CDH13: variants seen among roughly 807,000 people sequenced by gnomAD.
The protein encoded by CDH13 is cadherin 13, also known as cadherin-13.
A neutral mutation model predicts 63.8 loss-of-function variants in CDH13; 24 were observed. The ratio of observed to expected loss-of-function variants is 0.38; its 90% CI spans 0.27 to 0.53. The LOEUF (loss-of-function observed/expected upper bound fraction) is 0.53, where lower values mean the gene tolerates loss of function less well. Ranked by LOEUF, CDH13 falls within the 20% of genes least tolerant of loss-of-function variation. The pLI is 0.85. For synonymous variants in CDH13, 503 were observed against 355.3 expected, an observed-to-expected ratio of 1.42 and a Z score of -4.67; for missense variants, 1,049 against 903.1, an observed-to-expected ratio of 1.16 and a Z score of -2.07.
intron 5 of CDH13, among the ~76,000 whole-genome samples, chr16:83,239,903 G>C (rs1904305996): frequency 6.6e-6 from 1 of 152,100 alleles, no homozygotes; most frequent in African/African-American, 2.4e-5. Context: ...TGATATTGTA[G>C]TCTATACATG....
intron 8 of CDH13, among the ~76,000 whole-genome samples, chr16:83,664,257 G>A (rs1466633416): frequency 6.6e-6 from 1 of 152,100 alleles, no homozygotes; most frequent in Non-Finnish European, 1.5e-5. Context: ...AGTCACTTCA[G>A]GGCCTGACTA....
intron 10 of CDH13, among the ~76,000 whole-genome samples, chr16:83,696,351 C>T (rs1443510779): frequency 6.6e-6 from 1 of 152,136 alleles, no homozygotes; most frequent in Non-Finnish European, 1.5e-5. Flanking sequence ...GTGCAGCGGG[C>T]CCATTTCATC....
intron 10 of CDH13, among the ~76,000 whole-genome samples, chr16:83,715,219 G>A (rs182768483): frequency 2.6e-5 from 4 of 152,242 alleles, no homozygotes; most frequent in Admixed American, 2.0e-4. Context: ...GGCTATTCCC[G>A]TACATAGTGC....
chr16:83,749,598 C>T (rs1353068119), intron 11 of CDH13, among the ~76,000 whole-genome samples: 1 of 152,190 alleles, frequency 6.6e-6, no homozygotes, highest in Non-Finnish European at 1.5e-5. Context: ...CCAGGAGACC[C>T]TGAAACTTCT....
At chr16:83,627,142 G>T (rs950874890) in intron 8 of CDH13, among the ~76,000 whole-genome samples, 5 of 136,242 alleles carry the variant, frequency 3.7e-5, no homozygotes, top group Middle Eastern at 4.0e-3. Flanking sequence ...AAAAAAAAAT[G>T]AGCTGAGTGT....
At chr16:83,291,849 G>C (rs2089474048) in intron 5 of CDH13, among the ~76,000 whole-genome samples, 1 of 152,042 alleles carries the variant, frequency 6.6e-6, no homozygotes, top group Non-Finnish European at 1.5e-5. Context: ...CTTACATATT[G>C]AAAAAGTGTG....
chr16:82,824,258 G>T (rs1261767179), intron 1 of CDH13: 1 of 151,906 alleles, frequency 6.6e-6, no homozygotes, highest in Non-Finnish European at 1.5e-5. Flanking sequence ...ATTATTTATA[G>T]GTTACCTTAC....
chr16:83,264,641 A>C (rs1348250878), intron 5 of CDH13, among the ~76,000 whole-genome samples: 1 of 151,922 alleles, frequency 6.6e-6, no homozygotes, highest in African/African-American at 2.4e-5. Context: ...TGATTGAAGA[A>C]ATATATGTAA....
At chr16:82,698,684 G>T (rs2030628137) in intron 1 of CDH13, among the ~76,000 whole-genome samples, 1 of 152,216 alleles carries the variant, frequency 6.6e-6, no homozygotes, top group Admixed American at 6.5e-5. Flanking sequence ...CCATGGCTGA[G>T]CCCATTGTCA....
In CDH13 at chr16:83,795,458, G is replaced by T. The variant is rs560831391; in HGVS notation, c.*428G>T. 4 of 163,104 alleles carry T rather than the reference G, an allele frequency of 2.5e-5. No homozygotes were observed. The East Asian group carries it at 6.9e-4, about 28-fold the overall frequency. 10.1% of individuals were successfully genotyped at this position (163,104 alleles called of 1,614,324 possible). A position where few individuals can be genotyped will look rare whatever the true frequency, so the allele number is the denominator to read the frequency against. On this transcript the variant is annotated 3_prime_UTR_variant, in exon 14 of 14. Coordinates refer to ENST00000567109, the MANE Select transcript of CDH13 (RefSeq NM_001257.5). ...GACTATCCTGGAGAAGCCTCGTTTT[G>T]ATGCCATTCTTCCTTGCAAGGTTAA... is the stretch of plus-strand genomic sequence containing the variant.
intron 2 of CDH13, among the ~76,000 whole-genome samples, chr16:82,887,888 C>T (rs564710653): frequency 1.3e-5 from 2 of 152,084 alleles, no homozygotes; most frequent in East Asian, 3.9e-4. Flanking sequence ...CCCAGCCTCC[C>T]TAGCAACCCA....
chr16:83,644,667 G>T (rs1275976344), intron 8 of CDH13, among the ~76,000 whole-genome samples: 1 of 152,212 alleles, frequency 6.6e-6, no homozygotes, highest in Non-Finnish European at 1.5e-5. Flanking sequence ...CAGAGGATGA[G>T]GTTCATGGTC....
chr16:82,847,424 G>A (rs184876729), intron 1 of CDH13, among the ~76,000 whole-genome samples: 2 of 152,050 alleles, frequency 1.3e-5, no homozygotes, highest in African/African-American at 4.8e-5. Flanking sequence ...TTGACTCCTG[G>A]CCCCTTCCTC....
intron 2 of CDH13, among the ~76,000 whole-genome samples, chr16:82,962,862 T>C (rs893356059): frequency 3.3e-5 from 5 of 152,200 alleles, no homozygotes; most frequent in African/African-American, 1.2e-4. Context: ...TTTCATTTAC[T>C]AATGGTCACT....
At chr16:83,052,382 C>T (rs1474983266) in intron 3 of CDH13, among the ~76,000 whole-genome samples, 1 of 152,144 alleles carries the variant, frequency 6.6e-6, no homozygotes, top group African/African-American at 2.4e-5. Context: ...CCCTGAATTC[C>T]ACCATACATG....
chr16:83,559,221 G>A (rs952911312), intron 7 of CDH13, among the ~76,000 whole-genome samples: 2 of 152,184 alleles, frequency 1.3e-5, no homozygotes, highest in Non-Finnish European at 2.9e-5. Flanking sequence ...GAGTTGTTTT[G>A]ATGAGCCAGG....
intron 5 of CDH13, among the ~76,000 whole-genome samples, chr16:83,342,224 G>A (rs1473278551): frequency 6.6e-6 from 1 of 152,130 alleles, no homozygotes; most frequent in Non-Finnish European, 1.5e-5. Context: ...ATTGGGTAGT[G>A]AAGCTTTCGT....
intron 1 of CDH13, among the ~76,000 whole-genome samples, chr16:82,800,457 C>G (rs191551908): frequency 2.0e-5 from 3 of 152,142 alleles, no homozygotes; most frequent in African/African-American, 7.2e-5. Flanking sequence ...ATCTATGGAA[C>G]AGAGATCAGG....
At chr16:83,212,424 C>T (rs940613086) in intron 4 of CDH13, among the ~76,000 whole-genome samples, 1 of 152,212 alleles carries the variant, frequency 6.6e-6, no homozygotes, top group African/African-American at 2.4e-5. Flanking sequence ...ACTTTCCCCA[C>T]TCCACTTTCA....
Sources: allele counts gnomAD v4.1 joint callset (sites outside exome capture counted in the v4.1 genomes callset), GRCh38; gene constraint gnomAD v4.1.1; transcripts MANE v1.5; gene names NCBI Gene and HGNC (gene_info 2026-07-23, HGNC 2026-07-21).